Variants in AP1S1 observed in about 807,000 individuals in gnomAD.
The protein encoded by AP1S1 is AP-1 complex subunit sigma-1A.
AP1S1 carries 13 observed loss-of-function variants against 23.9 expected under a neutral mutation model. That is an observed-to-expected ratio of 0.54 (90% CI 0.35 to 0.86). The LOEUF is 0.86. Ranked by LOEUF, AP1S1 falls within the 40% of genes least tolerant of loss-of-function variation. The pLI, the probability that AP1S1 is intolerant of heterozygous loss-of-function variation, is 0.01. For missense variants in AP1S1, 119 were observed against 197.6 expected, an observed-to-expected ratio of 0.60 and a Z score of 2.38; for synonymous variants, 84 against 77.7, an observed-to-expected ratio of 1.08 and a Z score of -0.43.
rs764391064 is a variant in AP1S1 at position 101,156,549 on chromosome 7, G to C, written c.4-45G>C. On this transcript the variant is annotated intron_variant, in intron 1 of 4. Transcript: ENST00000337619. ...GAAGAATTAGCTGGAGATAAGTTTG[G>C]GGAATGTGTGGTTACCCTCGGTTCT... is the stretch of plus-strand genomic sequence containing the variant. 3 of 1,569,102 alleles carry C rather than the reference G, an allele frequency of 1.9e-6. No individual in the cohort carries two copies. In the South Asian group the frequency reaches 3.5e-5, roughly 18 times the overall value.
chr7:101,154,651 G>A, intron 1 of AP1S1, 134 bp downstream of exon 1: 1 of 1,263,530 alleles, frequency 7.9e-7, no homozygotes, highest in South Asian at 1.6e-5. Flanking sequence ...TTGCCTCGGC[G>A]GGTGGGCGAG....
chr7:101,159,099 A>G lies in AP1S1; in HGVS notation c.332A>G (p.Tyr111Cys), dbSNP rs769694501. ...ATCATCTTCAACTTTGAGAAGGCCT[A>G]CTTCATCCTGGATGAGTTTTTGATG... is the stretch of plus-strand genomic sequence containing the variant. ...LDIIFNFEKAYFILDEFLMGG... is the reference protein window; with the variant it reads ...LDIIFNFEKACFILDEFLMGG... The change falls in exon 4 of 5, where the codon TAC becomes TGC. Residue 111 changes from tyrosine (Y) to cysteine (C), a missense_variant. Tyr to Cys is a radical substitution (Grantham distance 194). Coordinates refer to ENST00000337619, the MANE Select transcript of AP1S1 (RefSeq NM_001283.5). The G allele has an allele frequency of 3.1e-6, 5 of 1,613,620 alleles. No individual in the cohort carries two copies. Among genetic ancestry groups the G allele is most frequent in the South Asian group, 2.2e-5 (2 of 91,044 alleles).
At position 101,160,648 on chromosome 7, in the gene AP1S1, C is replaced by G; in HGVS notation, c.*82C>G. Reference sequence around the variant, plus strand: ...CTTCTCCTCTGCCCAGGGCCCTGTTCTTGGTGGGACTCGGCTGCCCCTCCT... The same window carrying G: ...CTTCTCCTCTGCCCAGGGCCCTGTTGTTGGTGGGACTCGGCTGCCCCTCCT... On this transcript the variant is annotated 3_prime_UTR_variant, in exon 5 of 5. Coordinates refer to ENST00000337619, the MANE Select transcript of AP1S1 (RefSeq NM_001283.5). The G allele has an allele frequency of 6.6e-7, 1 of 1,517,224 alleles. No individual in the cohort carries two copies. The highest frequency in any genetic ancestry group is 9.0e-7 in the Non-Finnish European group (1 of 1,106,618). The allele number at this position is 1,517,224 out of a possible 1,614,324, so 94.0% of individuals were successfully genotyped here.
intron 3 of AP1S1, among the ~76,000 whole-genome samples, chr7:101,158,084 C>A (rs765296467): frequency 4.1e-4 from 62 of 152,188 alleles, no homozygotes; most frequent in Non-Finnish European, 7.1e-4. Context: ...GCCACTGTAC[C>A]CAGCCCCATA....
At chr7:101,159,018 T>G in intron 3 of AP1S1, 41 bp from the exon 4 acceptor site, 1 of 1,604,488 alleles carries the variant, frequency 6.2e-7, no homozygotes, top group Non-Finnish European at 8.5e-7. Flanking sequence ...TGGCTCCAGT[T>G]GCCCCTCCAT....
At chr7:101,156,096 A>G (rs4729665) in intron 1 of AP1S1, among the ~76,000 whole-genome samples, 104,312 of 151,940 alleles carry the variant, frequency 0.69, 36,652 homozygotes, top group Non-Finnish European at 0.75. Flanking sequence ...GCCGGGCGTG[A>G]TGGCACGTGA....
intron 2 of AP1S1, 94 bp downstream of exon 2, chr7:101,156,866 C>G: frequency 8.5e-7 from 1 of 1,175,290 alleles, no homozygotes; most frequent in Non-Finnish European, 1.1e-6. Context: ...TCAGGGAGAC[C>G]TGGGAGCTGA....
chr7:101,155,341 C>G (rs985773280), intron 1 of AP1S1, among the ~76,000 whole-genome samples: 2 of 152,218 alleles, frequency 1.3e-5, no homozygotes, highest in Non-Finnish European at 2.9e-5. Flanking sequence ...AAGGAGAAGA[C>G]TCCAGGATGT....
chr7:101,154,596 C>CG, intron 1 of AP1S1, 79 bp downstream of exon 1: 1 of 1,500,682 alleles, frequency 6.7e-7, no homozygotes. Flanking sequence ...GGGCCGCCCT[C>CG]GGGGTGAACC....
intron 4 of AP1S1, among the ~76,000 whole-genome samples, chr7:101,159,855 T>A (rs1797059416): frequency 6.6e-6 from 1 of 151,674 alleles, no homozygotes; most frequent in African/African-American, 2.4e-5. Flanking sequence ...CTGAGCTGGC[T>A]CTGAGGAGGG....
Position 101,157,395 on chromosome 7 carries a change from C to A in AP1S1, c.201C>A (p.Phe67Leu). 6.3e-7 allele frequency: 1 copy of A among 1,577,516 alleles called. No homozygotes were observed. Among genetic ancestry groups the A allele is most frequent in the Non-Finnish European group, 8.6e-7 (1 of 1,161,618 alleles). ...TCCGCAGATATGCCAGCCTCTACTT[C>A]TGCTGCGCCATCGAGGGCCAAGACA... Reference protein sequence around the residue: ...VVYKRYASLYFCCAIEGQDNE... With the variant: ...VVYKRYASLYLCCAIEGQDNE... Residue 67 changes from phenylalanine to leucine, a missense_variant, in exon 3 of 5, where the codon TTC becomes TTA. Phe to Leu is a conservative substitution (Grantham distance 22, BLOSUM62 0). Transcript: ENST00000337619.
At chr7:101,154,548 A>T in intron 1 of AP1S1, 31 bp downstream of exon 1, 1 of 1,550,844 alleles carries the variant, frequency 6.4e-7, no homozygotes, top group African/African-American at 1.4e-5. Flanking sequence ...GGGGAGGGGG[A>T]AGCGAGGGGC....
intron 2 of AP1S1, 40 bp downstream of exon 2, chr7:101,156,812 T>C: frequency 6.8e-7 from 1 of 1,462,858 alleles, no homozygotes; most frequent in Non-Finnish European, 9.1e-7. Flanking sequence ...TAGATTCAAG[T>C]TGGGCAGTGG....
At chr7:101,157,557 C>T (rs917599451) in intron 3 of AP1S1, 72 bp downstream of exon 3, 23 of 1,181,304 alleles carry the variant, frequency 1.9e-5, no homozygotes, top group Non-Finnish European at 7.4e-6. Context: ...TTTGAGGCCC[C>T]TCCAGTCTCT....
Position 101,160,913 on chromosome 7 carries a change from G to T in AP1S1, c.*347G>T. On this transcript the variant is annotated 3_prime_UTR_variant, in exon 5 of 5. Coordinates refer to ENST00000337619, the MANE Select transcript of AP1S1 (RefSeq NM_001283.5). ...AAATATATAAATATGTCAGGTTAAA[G>T]GGAAAAGGTGTTCAGGGCACTTCTT... is the stretch of plus-strand genomic sequence containing the variant. The T allele has an allele frequency of 2.2e-6, 1 of 453,208 alleles. No individual in the cohort carries two copies. Among genetic ancestry groups the T allele is most frequent in the South Asian group, 1.8e-5 (1 of 55,906 alleles). 28.1% of individuals were successfully genotyped at this position (453,208 alleles called of 1,614,324 possible).
chr7:101,157,719 G>A (rs1269672954), intron 3 of AP1S1, among the ~76,000 whole-genome samples: 1 of 152,218 alleles, frequency 6.6e-6, no homozygotes, highest in African/African-American at 2.4e-5. Context: ...TCCACTTAGA[G>A]CTTAGCTCGG....
chr7:101,159,648 C>T (rs1336996834), intron 4 of AP1S1: 1 of 161,802 alleles, frequency 6.2e-6, no homozygotes, highest in African/African-American at 2.4e-5. Flanking sequence ...ACACATACTC[C>T]AAAGCCTCTG....
chr7:101,155,392 G>T lies in AP1S1; in HGVS notation c.3+875G>T, dbSNP rs1432578809. On this transcript the variant is annotated intron_variant, in intron 1 of 4. Transcript: ENST00000337619. ...GAACTGGGAAGCTGGGGTACACTGG[G>T]CAGTGAGGGTTCTGTCTTCCATCCC... is the stretch of plus-strand genomic sequence containing the variant. 3.9e-5 allele frequency among the ~76,000 whole-genome samples: 6 copies of T among 152,268 alleles called. No homozygotes were observed. In the East Asian group the frequency reaches 1.2e-3, roughly 29 times the overall value.
At chr7:101,158,978 A>G (rs527886397) in intron 3 of AP1S1, 81 bp from the exon 4 acceptor site, 3 of 1,562,236 alleles carry the variant, frequency 1.9e-6, no homozygotes, top group East Asian at 4.5e-5. Flanking sequence ...GGCAGAACCC[A>G]AGGTGGGAGG....
Sources: gnomAD v4.1 joint callset for allele counts (sites outside exome capture counted in the v4.1 genomes callset) on GRCh38, gnomAD v4.1.1 for gene constraint, MANE v1.5 for transcripts, NCBI Gene and HGNC (gene_info 2026-07-23, HGNC 2026-07-21) for gene names.